MAGI3: variants seen among roughly 807,000 people sequenced by gnomAD.
MAGI3 encodes the protein membrane-associated guanylate kinase, WW and PDZ domain-containing protein 3.
In MAGI3, 43 loss-of-function variants were observed where a neutral mutation model predicts 121.8. The observed-to-expected ratio is 0.35, with a 90% CI of 0.28 to 0.46. The LOEUF is 0.46. Ranked by LOEUF, MAGI3 falls within the 20% of genes least tolerant of loss-of-function variation. MAGI3 has a pLI of 1.00. For synonymous variants in MAGI3, 553 were observed against 639.3 expected (o/e 0.86, Z 2.04); for missense variants, 1,547 against 1,797.3 (o/e 0.86, Z 2.52).
chr1:113,446,025 G>T (rs894440336), intron 1 of MAGI3, among the ~76,000 whole-genome samples: 5 of 152,136 alleles, frequency 3.3e-5, no homozygotes, highest in African/African-American at 1.2e-4. Context: ...ACAACAGTTT[G>T]TAACCCCACT....
chr1:113,395,767 A>G (rs945196922), intron 1 of MAGI3, among the ~76,000 whole-genome samples: 1 of 151,890 alleles, frequency 6.6e-6, no homozygotes, highest in Non-Finnish European at 1.5e-5. Flanking sequence ...TCACCCCCAG[A>G]CTTTTATAAT....
At chr1:113,479,601 A>G (rs1377406403) in intron 1 of MAGI3, among the ~76,000 whole-genome samples, 2 of 152,090 alleles carry the variant, frequency 1.3e-5, no homozygotes, top group Non-Finnish European at 2.9e-5. Context: ...AATCTATTTC[A>G]GGTTCTTTGG....
At chr1:113,426,946 G>A (rs931382015) in intron 1 of MAGI3, among the ~76,000 whole-genome samples, 2 of 151,150 alleles carry the variant, frequency 1.3e-5, no homozygotes, top group Non-Finnish European at 2.9e-5. Context: ...ATATATATCT[G>A]TATCTATCTA....
intron 12 of MAGI3, 49 bp from the exon 13 acceptor site, chr1:113,649,188 A>G (rs1653018160): frequency 7.0e-7 from 1 of 1,425,112 alleles, no homozygotes; most frequent in Non-Finnish European, 9.7e-7. Context: ...GTTTTGTTTT[A>G]ATCCTTTTAA....
chr1:113,613,740 A>G (rs1327208678), intron 6 of MAGI3, among the ~76,000 whole-genome samples: 8 of 152,172 alleles, frequency 5.3e-5, no homozygotes, highest in African/African-American at 1.9e-4. Flanking sequence ...GGATAGGACT[A>G]GAACCACCTG....
intron 1 of MAGI3, among the ~76,000 whole-genome samples, chr1:113,496,205 G>T (rs967021157): frequency 2.0e-5 from 3 of 152,142 alleles, no homozygotes; most frequent in Middle Eastern, 3.4e-3. Flanking sequence ...CATATTTTCA[G>T]GTAGATATTA....
intron 6 of MAGI3, among the ~76,000 whole-genome samples, chr1:113,602,842 C>T (rs930496017): frequency 2.0e-5 from 3 of 152,068 alleles, no homozygotes; most frequent in Non-Finnish European, 4.4e-5. Flanking sequence ...GGGAGGATTA[C>T]TTGAGCCTGG....
chr1:113,591,173 A>G (rs185852194), intron 5 of MAGI3, among the ~76,000 whole-genome samples: 2 of 152,244 alleles, frequency 1.3e-5, no homozygotes, highest in Non-Finnish European at 2.9e-5. Context: ...CATTATTTTT[A>G]TGGAAAAGCA....
chr1:113,620,079 T>C (rs930398080), intron 8 of MAGI3, among the ~76,000 whole-genome samples: 2 of 152,092 alleles, frequency 1.3e-5, no homozygotes, highest in Non-Finnish European at 2.9e-5. Flanking sequence ...TTTTATGAAT[T>C]TGAGATTTTG....
intron 6 of MAGI3, among the ~76,000 whole-genome samples, chr1:113,611,716 T>A (rs1340383916): frequency 6.6e-6 from 1 of 152,120 alleles, no homozygotes. Flanking sequence ...CAGTTCACCT[T>A]AATCAATTCT....
chr1:113,502,880 A>G (rs1657084196), intron 1 of MAGI3, among the ~76,000 whole-genome samples: 1 of 54,238 alleles, frequency 1.8e-5, no homozygotes, highest in African/African-American at 1.4e-4. Flanking sequence ...ATGGAATATT[A>G]TGCAGCCATA....
intron 8 of MAGI3, among the ~76,000 whole-genome samples, chr1:113,622,542 A>G (rs1486047935): frequency 6.6e-6 from 1 of 152,156 alleles, no homozygotes; most frequent in Non-Finnish European, 1.5e-5. Flanking sequence ...TCTTCCTGGT[A>G]TAGTACTTTG....
Position 113,460,467 on chromosome 1 carries a change from A to T in MAGI3, c.316+69118A>T, listed in dbSNP as rs187369256. Among the ~76,000 whole-genome samples the T allele has an allele frequency of 3.3e-5, 5 of 152,300 alleles. No homozygotes were observed. The East Asian group carries it at 9.7e-4, about 29-fold the overall frequency. On this transcript the variant is annotated intron_variant, in intron 1 of 20. Coordinates refer to ENST00000307546, the MANE Select transcript of MAGI3 (RefSeq NM_001142782.2). ...AAATAAAGGGCACCCATACAGGAAG[A>T]GAGGAAGTCTTCTCTGTTTGCAGAT... is the stretch of plus-strand genomic sequence containing the variant.
intron 1 of MAGI3, among the ~76,000 whole-genome samples, chr1:113,507,308 C>T (rs138687139): frequency 9.8e-4 from 149 of 152,248 alleles, no homozygotes; most frequent in African/African-American, 3.4e-3. Flanking sequence ...CCTAAGCCTA[C>T]TCAGCATGGC....
intron 10 of MAGI3, 78 bp downstream of exon 10, chr1:113,642,594 G>C: frequency 6.8e-7 from 1 of 1,472,084 alleles, no homozygotes; most frequent in Non-Finnish European, 9.1e-7. Context: ...TTACAGTTTA[G>C]AATGTGTTTT....
At chr1:113,438,572 C>G (rs1001152945) in intron 1 of MAGI3, among the ~76,000 whole-genome samples, 1 of 152,116 alleles carries the variant, frequency 6.6e-6, no homozygotes. Context: ...AAGCATGGTA[C>G]CAGCACCTGC....
intron 1 of MAGI3, among the ~76,000 whole-genome samples, chr1:113,480,236 G>A (rs975339259): frequency 1.8e-4 from 27 of 152,172 alleles, no homozygotes; most frequent in African/African-American, 6.5e-4. Context: ...AGTCTTTACT[G>A]ACTAGCTTTG....
chr1:113,523,514 G>T (rs1658304367), intron 1 of MAGI3, among the ~76,000 whole-genome samples: 1 of 152,192 alleles, frequency 6.6e-6, no homozygotes, highest in African/African-American at 2.4e-5. Flanking sequence ...AACTTGTTGG[G>T]AACTGGAGCA....
Position 113,408,105 on chromosome 1 carries a change from C to G in MAGI3, c.316+16756C>G, listed in dbSNP as rs1651786271. Among the ~76,000 whole-genome samples the G allele has an allele frequency of 3.3e-5, 5 of 152,130 alleles. No homozygotes were observed. The South Asian group carries it at 1.0e-3, about 32-fold the overall frequency. ...TACCTACTATGCACTAAGCCCCATG[C>G]AAGGCCCAGATACCATAAAAGAGAA... is the stretch of plus-strand genomic sequence containing the variant. On this transcript the variant is annotated intron_variant, in intron 1 of 20. Transcript: ENST00000307546.
Sources: gnomAD v4.1 joint callset for allele counts (sites outside exome capture counted in the v4.1 genomes callset) on GRCh38, gnomAD v4.1.1 for gene constraint, MANE v1.5 for transcripts, NCBI Gene and HGNC (gene_info 2026-07-23, HGNC 2026-07-21) for gene names.